The following GABRA3 variants were observed in gnomAD, a reference collection of about 807,000 sequenced individuals.
The protein encoded by GABRA3 is gamma-aminobutyric acid type A receptor subunit alpha3.
Under a neutral mutation model 30.1 loss-of-function variants are expected in GABRA3, and 10 were observed. The observed-to-expected ratio is 0.33, with a 90% CI of 0.20 to 0.56. The LOEUF is 0.56. Among genes scored for constraint, GABRA3 ranks in the 20% least tolerant of loss-of-function variants. GABRA3 has a pLI of 0.89. For synonymous variants in GABRA3, 151 were observed against 146.8 expected, an observed-to-expected ratio of 1.03 and a Z score of -0.21; for missense variants, 233 against 392.0, an observed-to-expected ratio of 0.59 and a Z score of 3.42.
chrX:152,425,567 T>C (rs1386536072), intron 1 of GABRA3, among the ~76,000 whole-genome samples: 1 of 111,805 alleles, frequency 8.9e-6, no homozygotes, highest in Non-Finnish European at 1.9e-5. Context: ...CCTGACGTTT[T>C]CTCATGATTA....
intron 3 of GABRA3, among the ~76,000 whole-genome samples, chrX:152,296,347 G>A (rs1198679443): frequency 8.9e-6 from 1 of 111,782 alleles, no homozygotes; most frequent in Non-Finnish European, 1.9e-5. Context: ...TCACGTTAAC[G>A]ACCTTTCCAT....
rs187588248 is a variant in GABRA3, at chrX:152,180,461, T to C, written c.1143+9269A>G. ...TTTATATTAGCCTCTTATTAGATGG[T>C]TGGTTTGCAAATATGTTCTTTTATT... On this transcript the variant is annotated intron_variant, in intron 9 of 9. Transcript: ENST00000370314. Among the ~76,000 whole-genome samples, 252 of 112,018 alleles carry C rather than the reference T, an allele frequency of 2.2e-3. 3 individuals carry two copies. The highest frequency in any genetic ancestry group is 7.9e-3 in the African/African-American group (243 of 30,858).
chrX:152,417,490 G>A (rs1384921147), intron 1 of GABRA3, among the ~76,000 whole-genome samples: 196 of 106,725 alleles, frequency 1.8e-3, no homozygotes, highest in Middle Eastern at 9.7e-3. Flanking sequence ...ATCTAGAACT[G>A]GAAATACCAT....
chrX:152,359,893 G>C (rs184179621), intron 2 of GABRA3, among the ~76,000 whole-genome samples: 1 of 111,579 alleles, frequency 9.0e-6, no homozygotes, highest in Admixed American at 9.6e-5. Context: ...TAATTGCACT[G>C]GGCTTGGAGG....
At chrX:152,253,609 C>T (rs1938591110) in intron 5 of GABRA3, among the ~76,000 whole-genome samples, 1 of 112,090 alleles carries the variant, frequency 8.9e-6, no homozygotes. Context: ...TAGAACACCA[C>T]TGCTAATCTA....
At chrX:152,238,967 G>C (rs2124398852) in intron 5 of GABRA3, among the ~76,000 whole-genome samples, 1 of 110,732 alleles carries the variant, frequency 9.0e-6, no homozygotes, top group Non-Finnish European at 1.9e-5. Flanking sequence ...TTGATTTTTT[G>C]AAGGGTTTCT....
chrX:152,432,141 T>G (rs1341560755), intron 1 of GABRA3, among the ~76,000 whole-genome samples: 1 of 111,877 alleles, frequency 8.9e-6, no homozygotes, highest in Non-Finnish European at 1.9e-5. Flanking sequence ...AAGAAACTTA[T>G]ATATGTTGTA....
intron 1 of GABRA3, among the ~76,000 whole-genome samples, chrX:152,429,558 C>T (rs5970305): frequency 0.18 from 20,507 of 111,173 alleles, 1,490 homozygotes; most frequent in African/African-American, 0.26. Flanking sequence ...TAGAGATGAC[C>T]TCAAACCATG....
chrX:152,168,465 G>A lies in GABRA3; in HGVS notation c.1242C>T (p.Ser414=). The A allele has an allele frequency of 8.3e-7, 1 of 1,211,393 alleles. No homozygotes were observed. Among genetic ancestry groups the A allele is most frequent in the East Asian group, 3.0e-5 (1 of 33,847 alleles). The stretch of plus-strand genomic sequence containing the variant: ...TGGGAGCAGCGCCCTTGGAGATGGT[G>A]GAAAATTCAGTGTCCTTGGCCAGGT... ...PINLAKDTEF[S]TISKGAAPSA... Residue 414 remains serine, a synonymous_variant, in exon 10 of 10, where the codon TCC becomes TCT. Transcript: ENST00000370314.
At chrX:152,344,602 T>C (rs767915722) in intron 3 of GABRA3, among the ~76,000 whole-genome samples, 17 of 112,050 alleles carry the variant, frequency 1.5e-4, no homozygotes, top group African/African-American at 4.2e-4. Flanking sequence ...TATAAACTTT[T>C]AAAATAGTAA....
chrX:152,444,915 G>A (rs1303747496), intron 1 of GABRA3, among the ~76,000 whole-genome samples: 1 of 94,038 alleles, frequency 1.1e-5, no homozygotes, highest in Non-Finnish European at 2.1e-5. Flanking sequence ...CAAAAAATTA[G>A]CCGGGCGTGG....
At chrX:152,347,101 A>T (rs1257904469) in intron 2 of GABRA3, among the ~76,000 whole-genome samples, 1 of 112,147 alleles carries the variant, frequency 8.9e-6, no homozygotes, top group Non-Finnish European at 1.9e-5. Context: ...AAATATCCAT[A>T]GTAGATGATT....
At chrX:152,333,364 C>T (rs1173197075) in intron 3 of GABRA3, among the ~76,000 whole-genome samples, 1 of 111,578 alleles carries the variant, frequency 9.0e-6, no homozygotes. Flanking sequence ...ACAAAGTAAA[C>T]CTACAACAAA....
At chrX:152,252,976 T>C (rs1938581937) in intron 5 of GABRA3, among the ~76,000 whole-genome samples, 1 of 112,091 alleles carries the variant, frequency 8.9e-6, no homozygotes, top group African/African-American at 3.2e-5. Context: ...CATTTGTCCA[T>C]GCTGAACTTC....
intron 3 of GABRA3, among the ~76,000 whole-genome samples, chrX:152,300,319 A>C (rs1201949191): frequency 2.7e-5 from 3 of 111,640 alleles, no homozygotes; most frequent in African/African-American, 9.8e-5. Flanking sequence ...AAAGTCTTTG[A>C]AAACTGAACG....
intron 7 of GABRA3, among the ~76,000 whole-genome samples, chrX:152,205,360 T>C (rs1208986982): frequency 2.7e-5 from 3 of 111,422 alleles, no homozygotes; most frequent in Non-Finnish European, 1.9e-5. Context: ...AATCTCAATA[T>C]CCTGTCTGTA....
intron 1 of GABRA3, among the ~76,000 whole-genome samples, chrX:152,370,205 G>A (rs1037879239): frequency 2.7e-5 from 3 of 112,068 alleles, no homozygotes; most frequent in Admixed American, 9.4e-5. Context: ...GTACCAATAC[G>A]ACCAATTATT....
intron 5 of GABRA3, among the ~76,000 whole-genome samples, chrX:152,232,958 C>T (rs770622287): frequency 1.8e-5 from 2 of 110,980 alleles, no homozygotes; most frequent in Admixed American, 1.9e-4. Flanking sequence ...CTTTTACCTG[C>T]ATCCTTGTCA....
intron 1 of GABRA3, among the ~76,000 whole-genome samples, chrX:152,432,543 T>C (rs1004249177): frequency 9.0e-6 from 1 of 110,828 alleles, no homozygotes; most frequent in Admixed American, 9.6e-5. Flanking sequence ...GGAAAACAAA[T>C]AGCAAATAGC....
Sources: gnomAD v4.1 joint callset for allele counts (sites outside exome capture counted in the v4.1 genomes callset) on GRCh38, gnomAD v4.1.1 for gene constraint, MANE v1.5 for transcripts, NCBI Gene and HGNC (gene_info 2026-07-23, HGNC 2026-07-21) for gene names.